Variants in LPCAT2 observed in about 807,000 individuals in gnomAD.
LPCAT2 encodes 1-AGP acyltransferase 11.
A neutral mutation model predicts 64.7 loss-of-function variants in LPCAT2; 58 were observed. The observed-to-expected ratio is 0.90, with a 90% confidence interval of 0.73 to 1.12. The LOEUF is 1.12. Ranked by LOEUF, LPCAT2 falls within the 50% of genes most tolerant of loss-of-function variation. The probability of loss-of-function intolerance (pLI) is 0.00; values close to 1 mark genes in which losing one functional copy is unlikely to be tolerated. For synonymous variants in LPCAT2, 252 were observed against 245.3 expected (o/e 1.03, Z -0.26); for missense variants, 579 against 669.8 (o/e 0.86, Z 1.50).
At chr16:55,534,936 T>A (rs1488918066) in intron 7 of LPCAT2, among the ~76,000 whole-genome samples, 1 of 152,188 alleles carries the variant, frequency 6.6e-6, no homozygotes, top group African/African-American at 2.4e-5. Context: ...TAACCAAGAT[T>A]TCAGTTCTGC....
chr16:55,550,234 A>G (rs1253837578), intron 10 of LPCAT2, among the ~76,000 whole-genome samples: 6 of 152,230 alleles, frequency 3.9e-5, no homozygotes, highest in African/African-American at 1.4e-4. Context: ...CTAAGAATAT[A>G]TGTTAGGTCA....
chr16:55,524,710 A>G (rs574925131), intron 1 of LPCAT2, among the ~76,000 whole-genome samples: 2 of 152,184 alleles, frequency 1.3e-5, no homozygotes, highest in Non-Finnish European at 2.9e-5. Context: ...TGTGTCATAC[A>G]TAAGCACAGT....
chr16:55,578,729 T>A (rs894656017), intron 12 of LPCAT2, among the ~76,000 whole-genome samples: 19 of 152,162 alleles, frequency 1.2e-4, no homozygotes, highest in African/African-American at 4.6e-4. Context: ...TGTCTCTATC[T>A]CCTGACTGGA....
Position 55,550,097 on chromosome 16 carries a change from A to G in LPCAT2, c.1061+695A>G, listed in dbSNP as rs1021461038. Among the ~76,000 whole-genome samples the G allele has an allele frequency of 2.0e-5, 3 of 152,328 alleles. No individual in the cohort carries two copies. The South Asian group carries it at 6.2e-4, about 32-fold the overall frequency. ...TCAAAGTTCAGTATTAAAGTATAAT[A>G]TTTTGATAACTGATATAGAAAATAT... On this transcript the variant is annotated intron_variant, in intron 10 of 13. Coordinates refer to ENST00000262134, the MANE Select transcript of LPCAT2 (RefSeq NM_017839.5).
intron 11 of LPCAT2, among the ~76,000 whole-genome samples, chr16:55,572,460 G>A (rs1413074919): frequency 6.6e-6 from 1 of 152,140 alleles, no homozygotes; most frequent in Non-Finnish European, 1.5e-5. Flanking sequence ...ATGTATCTAT[G>A]TTGAGCAATA....
At chr16:55,534,033 T>C (rs985900137) in intron 6 of LPCAT2, among the ~76,000 whole-genome samples, 7 of 152,210 alleles carry the variant, frequency 4.6e-5, no homozygotes, top group African/African-American at 1.7e-4. Flanking sequence ...TTTGTTGTAC[T>C]TCTGCCCATA....
Position 55,585,670 on chromosome 16 carries a change from G to A in LPCAT2, c.*2572G>A, listed in dbSNP as rs1236610763. ...GACATACTGACTGCTTACAGACCAA[G>A]TTGCTTGCATTTTGTATGTTTAGCC... On this transcript the variant is annotated 3_prime_UTR_variant, in exon 14 of 14. Transcript: ENST00000262134. The A allele has an allele frequency of 1.3e-5, 2 of 152,166 alleles. No individual in the cohort carries two copies. The highest frequency in any genetic ancestry group is 4.8e-5 in the African/African-American group (2 of 41,444). 9.4% of individuals were successfully genotyped at this position (152,166 alleles called of 1,614,324 possible).
chr16:55,571,238 A>G (rs760233835), intron 11 of LPCAT2, among the ~76,000 whole-genome samples: 6 of 152,212 alleles, frequency 3.9e-5, no homozygotes, highest in Non-Finnish European at 8.8e-5. Context: ...AATCAGACAC[A>G]TGAGAATCAC....
At chr16:55,567,098 T>G (rs2142413533) in intron 11 of LPCAT2, 1 of 1,613,840 alleles carries the variant, frequency 6.2e-7, no homozygotes, top group Non-Finnish European at 8.5e-7. Flanking sequence ...ACAAAGATCT[T>G]AAGACTGACG....
At position 55,574,661 on chromosome 16, in the gene LPCAT2, T is replaced by C; in HGVS notation, c.1246T>C (p.Tyr416His). The C allele has an allele frequency of 6.2e-7, 1 of 1,613,458 alleles. No homozygotes were observed. Among genetic ancestry groups the C allele is most frequent in the African/African-American group, 1.3e-5 (1 of 74,980 alleles). ...TGATGGCAGCATTGACTTCCGAGAG[T>C]ATGTGATTGGCCTGGCTGTCTTGTG... ...NHDGSIDFRE[Y>H]VIGLAVLCNP... The change falls in exon 12 of 14, where the codon TAT becomes CAT. Residue 416 changes from tyrosine (Y) to histidine (H), a missense_variant. By Grantham distance (83) the Tyr-to-His change is moderately conservative. Coordinates refer to ENST00000262134, the MANE Select transcript of LPCAT2 (RefSeq NM_017839.5).
intron 11 of LPCAT2, among the ~76,000 whole-genome samples, chr16:55,564,665 C>T (rs1425478083): frequency 6.6e-6 from 1 of 151,842 alleles, no homozygotes; most frequent in Non-Finnish European, 1.5e-5. Context: ...AAGTTGGACC[C>T]TTAACTTACA....
At chr16:55,530,812 T>G (rs1226192450) in intron 4 of LPCAT2, among the ~76,000 whole-genome samples, 2 of 152,110 alleles carry the variant, frequency 1.3e-5, no homozygotes, top group East Asian at 3.9e-4. Flanking sequence ...ATATATAAAT[T>G]TCAGCTCATT....
intron 11 of LPCAT2, among the ~76,000 whole-genome samples, chr16:55,562,687 G>A (rs1963649698): frequency 6.6e-6 from 1 of 151,762 alleles, no homozygotes; most frequent in African/African-American, 2.4e-5. Flanking sequence ...TAAGTACTGA[G>A]CCCAAGTCCT....
Position 55,585,490 on chromosome 16 carries a change from C to T in LPCAT2, c.*2392C>T, listed in dbSNP as rs1039883683. The stretch of plus-strand genomic sequence containing the variant: ...TCTTTCACAGAGGCTTTTCTCCTCT[C>T]AAGACTTAAAGTAAGAATTACATTT... On this transcript the variant is annotated 3_prime_UTR_variant, in exon 14 of 14. Coordinates refer to ENST00000262134, the MANE Select transcript of LPCAT2 (RefSeq NM_017839.5). The T allele has an allele frequency of 6.6e-6, 1 of 152,166 alleles. No individual in the cohort carries two copies. Among genetic ancestry groups the T allele is most frequent in the African/African-American group, 2.4e-5 (1 of 41,440 alleles). 9.4% of individuals were successfully genotyped at this position (152,166 alleles called of 1,614,324 possible).
At position 55,581,011 on chromosome 16, in the gene LPCAT2, T is replaced by C. The variant is rs1423421000; in HGVS notation, c.1450+1767T>C. Among the ~76,000 whole-genome samples the C allele has an allele frequency of 2.6e-5, 4 of 152,150 alleles. No individual in the cohort carries two copies. In the East Asian group the frequency reaches 5.8e-4, roughly 22 times the overall value. ...AAACCAGTCCCTGGTGCCAAAATGG[T>C]TGGGGACTGCTGCCTTAAATTACTT... On this transcript the variant is annotated intron_variant, in intron 13 of 13. Coordinates refer to ENST00000262134, the MANE Select transcript of LPCAT2 (RefSeq NM_017839.5).
intron 10 of LPCAT2, among the ~76,000 whole-genome samples, chr16:55,550,271 A>G (rs1455166766): frequency 9.9e-5 from 15 of 152,244 alleles, no homozygotes; most frequent in African/African-American, 3.6e-4. Context: ...AAGCAAAGAT[A>G]GGCTATGATG....
rs1596895546 is a variant in LPCAT2, at chr16:55,583,652, C to G, written c.*554C>G. 1 of 152,702 alleles carries G rather than the reference C, an allele frequency of 6.5e-6. No homozygotes were observed. The highest frequency in any genetic ancestry group is 1.5e-5 in the Non-Finnish European group (1 of 68,508). 9.5% of individuals were successfully genotyped at this position (152,702 alleles called of 1,614,324 possible). A position where few individuals can be genotyped will look rare whatever the true frequency, so the allele number is the denominator to read the frequency against. ...ACGCAGCTTCTTAAGAACTTATATT[C>G]TCTTTGACATACATCTCTATTGTAG... On this transcript the variant is annotated 3_prime_UTR_variant, in exon 14 of 14. Coordinates refer to ENST00000262134, the MANE Select transcript of LPCAT2 (RefSeq NM_017839.5).
chr16:55,537,949 C>A (rs549227790), intron 8 of LPCAT2, among the ~76,000 whole-genome samples: 2 of 152,304 alleles, frequency 1.3e-5, no homozygotes, highest in South Asian at 4.1e-4. Context: ...CTGACCATAG[C>A]TGATAGAGCC....
chr16:55,533,548 G>A (rs569800502), intron 6 of LPCAT2, among the ~76,000 whole-genome samples: 1 of 151,850 alleles, frequency 6.6e-6, no homozygotes, highest in East Asian at 1.9e-4. Context: ...GAGTAGTGGG[G>A]ATTACAGGCA....
Sources: allele counts gnomAD v4.1 joint callset (sites outside exome capture counted in the v4.1 genomes callset), GRCh38; gene constraint gnomAD v4.1.1; transcripts MANE v1.5; gene names NCBI Gene and HGNC (gene_info 2026-07-23, HGNC 2026-07-21).